Variants in HDAC4 observed in about 807,000 individuals in gnomAD.
The protein encoded by HDAC4 is histone deacetylase 4, also known as histone deacetylase A.
In HDAC4, 16 loss-of-function variants were observed where a neutral mutation model predicts 135.1. That is an observed-to-expected ratio of 0.12 (90% CI 0.08 to 0.18). HDAC4 has a LOEUF of 0.18. Among genes scored for constraint, HDAC4 ranks in the 10% least tolerant of loss-of-function variants. HDAC4 has a pLI of 1.00. For missense variants in HDAC4, 1,143 were observed against 1,511.8 expected, an observed-to-expected ratio of 0.76 and a Z score of 4.05; for synonymous variants, 685 against 653.4, an observed-to-expected ratio of 1.05 and a Z score of -0.74.
At chr2:239,260,932 C>T (rs989828162) in intron 2 of HDAC4, among the ~76,000 whole-genome samples, 15 of 152,128 alleles carry the variant, frequency 9.9e-5, no homozygotes, top group East Asian at 1.9e-4. Flanking sequence ...CAGCTTCCTA[C>T]GTGGAAGATG....
Position 239,352,957 on chromosome 2 carries a change from C to T in HDAC4, c.-219-39G>A, listed in dbSNP as rs1693258221. Reference sequence around the variant, plus strand: ...AGGAGAAAAGAGACTGGAGTTACAACATGGAAGTTCCGATCTGGAAAACAA... The same window carrying T: ...AGGAGAAAAGAGACTGGAGTTACAATATGGAAGTTCCGATCTGGAAAACAA... On this transcript the variant is annotated intron_variant, in intron 1 of 26. Coordinates refer to ENST00000543185, the MANE Select transcript of HDAC4 (RefSeq NM_001378414.1). This position sits in a 1 kb window ranked among gnomAD's most constrained non-coding sequence, Gnocchi z 4.4. The T allele has an allele frequency of 1.9e-6, 1 of 517,094 alleles. No individual in the cohort carries two copies. Among genetic ancestry groups the T allele is most frequent in the South Asian group, 2.3e-5 (1 of 43,370 alleles). The allele number at this position is 517,094 out of a possible 1,614,324, so 32.0% of individuals were successfully genotyped here. A position where few individuals can be genotyped will look rare whatever the true frequency, so the allele number is the denominator to read the frequency against.
Position 239,065,992 on chromosome 2 carries a change from TG to T in HDAC4, c.3003+729del, listed in dbSNP as rs1451914168. On this transcript the variant is annotated intron_variant, in intron 24 of 26. Transcript: ENST00000543185. ...TTGTGTCACACACTTCAGACACTCT[TG>T]GAGGTGGATATGACATTGGTAGCTG... Among the ~76,000 whole-genome samples the T allele has an allele frequency of 5.9e-5, 9 of 152,262 alleles. No homozygotes were observed. The East Asian group carries it at 1.7e-3, about 29-fold the overall frequency.
chr2:239,374,548 C>T (rs1052107873), intron 1 of HDAC4, among the ~76,000 whole-genome samples: 4 of 149,250 alleles, frequency 2.7e-5, no homozygotes, highest in South Asian at 2.1e-4. Flanking sequence ...GGACTACAGG[C>T]GCCCGCCACT....
At chr2:239,100,806 G>A (rs1215963975) in intron 16 of HDAC4, among the ~76,000 whole-genome samples, 3 of 152,158 alleles carry the variant, frequency 2.0e-5, no homozygotes, top group Non-Finnish European at 4.4e-5. Context: ...CAGTGGGGAG[G>A]GGTAGGGGCT....
At chr2:239,321,460 G>A (rs974806952) in intron 2 of HDAC4, among the ~76,000 whole-genome samples, 2 of 72,614 alleles carry the variant, frequency 2.8e-5, no homozygotes, top group African/African-American at 5.4e-5. Flanking sequence ...GCAAGACTCC[G>A]TCTCAAAAAA....
Position 239,262,730 on chromosome 2 carries a change from C to T in HDAC4, c.23-26066G>A, listed in dbSNP as rs1159107762. Among the ~76,000 whole-genome samples the T allele has an allele frequency of 1.3e-5, 2 of 152,202 alleles. No homozygotes were observed. The highest frequency in any genetic ancestry group is 2.9e-5 in the Non-Finnish European group (2 of 68,032). On this transcript the variant is annotated intron_variant, in intron 2 of 26. Coordinates refer to ENST00000543185, the MANE Select transcript of HDAC4 (RefSeq NM_001378414.1). This position sits in a 1 kb window ranked among gnomAD's most constrained non-coding sequence, Gnocchi z 4.1. ...CACACGGCTGAAGGCGCAACGGGCA[C>T]AGGGCATTCTGTGGGCCACGCTCGC...
intron 4 of HDAC4, chr2:239,186,743 CAGAAG>C (rs2044574118): frequency 6.6e-6 from 1 of 152,376 alleles, no homozygotes; most frequent in Admixed American, 6.5e-5. Flanking sequence ...CCTGGGGCAC[CAGAAG>C]AGGAGAGGCA....
intron 4 of HDAC4, among the ~76,000 whole-genome samples, chr2:239,178,750 G>A (rs986941384): frequency 3.3e-5 from 5 of 152,270 alleles, no homozygotes; most frequent in Non-Finnish European, 7.4e-5. Flanking sequence ...GAGAGGGTAC[G>A]GGATAAGCAG....
Position 239,115,111 on chromosome 2 carries a change from G to A in HDAC4, c.1733C>T (p.Pro578Leu). The change falls in exon 13 of 27, where the codon CCA becomes CTA. Residue 578 changes from proline (P) to leucine (L), a missense_variant. Transcript: ENST00000543185. This position sits in a 1 kb window ranked among gnomAD's most constrained non-coding sequence, Gnocchi z 6.3. ...GCGCTGGCCCGGCTCCACCTCCCGTGGGGGCTCTGCCTCTTCCTCATCGCT... is the reference window on the plus strand; with the variant it reads ...GCGCTGGCCCGGCTCCACCTCCCGTAGGGGCTCTGCCTCTTCCTCATCGCT... ...IESDEEEAEP[P>L]REVEPGQRQP... is the part of the protein sequence containing the mutation. The A allele has an allele frequency of 1.2e-6, 2 of 1,611,746 alleles. No individual in the cohort carries two copies. Among genetic ancestry groups the A allele is most frequent in the Non-Finnish European group, 1.7e-6 (2 of 1,179,928 alleles).
intron 1 of HDAC4, among the ~76,000 whole-genome samples, chr2:239,358,939 G>A (rs1004202639): frequency 2.0e-5 from 3 of 152,160 alleles, no homozygotes; most frequent in African/African-American, 7.2e-5. Context: ...GTTATCAGGT[G>A]AGTGCATTTG....
At chr2:239,386,889 G>A (rs1054161521) in intron 1 of HDAC4, among the ~76,000 whole-genome samples, 1 of 152,200 alleles carries the variant, frequency 6.6e-6, no homozygotes, top group African/African-American at 2.4e-5. Context: ...ACCATCAGAT[G>A]TACCCATTTT....
chr2:239,108,586 G>A (rs769299665), intron 14 of HDAC4, among the ~76,000 whole-genome samples: 2 of 152,184 alleles, frequency 1.3e-5, no homozygotes, highest in Non-Finnish European at 2.9e-5. Flanking sequence ...CTAGAAGGAG[G>A]CGACTCTAGC....
chr2:239,365,581 G>GAC (rs75246577), intron 1 of HDAC4, among the ~76,000 whole-genome samples: 17 of 146,720 alleles, frequency 1.2e-4, no homozygotes, highest in South Asian at 4.3e-4. Context: ...GGCACCAGGG[G>GAC]ACACACACAC....
At chr2:239,131,582 C>T (rs1336275171) in intron 11 of HDAC4, among the ~76,000 whole-genome samples, 1 of 152,218 alleles carries the variant, frequency 6.6e-6, no homozygotes, top group Non-Finnish European at 1.5e-5. Context: ...TGGGAAAGAG[C>T]CCTGGCTCTG....
chr2:239,350,473 T>A (rs2125914914), intron 2 of HDAC4, among the ~76,000 whole-genome samples: 1 of 152,072 alleles, frequency 6.6e-6, no homozygotes, highest in East Asian at 1.9e-4. Context: ...AGGATACATA[T>A]CCTCCTATAT....
chr2:239,115,196 G>C lies in HDAC4; in HGVS notation c.1648C>G (p.Pro550Ala). 2 of 1,611,258 alleles carry C rather than the reference G, an allele frequency of 1.2e-6. No homozygotes were observed. The highest frequency in any genetic ancestry group is 1.7e-6 in the Non-Finnish European group (2 of 1,179,916). ...TGTGCGTGCGCCTCCTTCTGCCCCG[G>C]CAGCCGGTCCAGGTAGGGCTCGTCC... The part of the protein sequence containing the change: ...LLDEPYLDRL[P>A]GQKEAHAQAG... Residue 550 changes from proline (P) to alanine (A), a missense_variant, in exon 13 of 27, where the codon CCG becomes GCG. Around this residue, in one of 9 missense-constraint regions of HDAC4, gnomAD observed 196 missense variants for 210.7 expected, o/e 0.93. Coordinates refer to ENST00000543185, the MANE Select transcript of HDAC4 (RefSeq NM_001378414.1). This position sits in a 1 kb window ranked among gnomAD's most constrained non-coding sequence, Gnocchi z 6.3.
chr2:239,199,883 CCA>C (rs1367215209), intron 3 of HDAC4, among the ~76,000 whole-genome samples: 1 of 152,156 alleles, frequency 6.6e-6, no homozygotes, highest in African/African-American at 2.4e-5. Context: ...ACTACAGACG[CCA>C]GCCACCACAC....
intron 2 of HDAC4, among the ~76,000 whole-genome samples, chr2:239,279,793 A>G (rs1277767052): frequency 1.3e-5 from 2 of 152,224 alleles, no homozygotes; most frequent in Non-Finnish European, 2.9e-5. Flanking sequence ...CCTCACCACG[A>G]GAGTCCAGGT....
chr2:239,137,836 C>G (rs1440966697), intron 9 of HDAC4, among the ~76,000 whole-genome samples: 3 of 152,208 alleles, frequency 2.0e-5, no homozygotes, highest in Non-Finnish European at 4.4e-5. Context: ...TAATGAACAT[C>G]TGATGTGGAA....
Sources: gnomAD v4.1 joint callset for allele counts (sites outside exome capture counted in the v4.1 genomes callset) on GRCh38, gnomAD v4.1.1 for gene constraint, gnomAD v4.1.1 regional missense constraint, Gnocchi (gnomAD v3.1) non-coding constraint, MANE v1.5 for transcripts, NCBI Gene and HGNC (gene_info 2026-07-23, HGNC 2026-07-21) for gene names.